SSH2: variants seen among roughly 807,000 people sequenced by gnomAD.
SSH2 encodes the protein slingshot protein phosphatase 2.
Under a neutral mutation model 135.2 loss-of-function variants are expected in SSH2, and 37 were observed. The observed-to-expected ratio is 0.27, with a 90% CI of 0.21 to 0.36. SSH2 has a LOEUF of 0.36. SSH2 is among the 10% of genes least tolerant of loss of function. The probability of loss-of-function intolerance (pLI) is 1.00; values close to 1 mark genes in which losing one functional copy is unlikely to be tolerated. For synonymous variants in SSH2, 628 were observed against 646.2 expected, an observed-to-expected ratio of 0.97 and a Z score of 0.43; for missense variants, 1,408 against 1,765.3, an observed-to-expected ratio of 0.80 and a Z score of 3.63.
intron 15 of SSH2, 22 bp downstream of exon 15, chr17:29,635,946 A>G: frequency 6.4e-7 from 1 of 1,552,222 alleles, no homozygotes; most frequent in East Asian, 2.3e-5. Flanking sequence ...ATTAGGCGGA[A>G]AACTATAAAG....
chr17:29,712,563 G>C (rs960578757), intron 3 of SSH2, among the ~76,000 whole-genome samples: 1 of 152,190 alleles, frequency 6.6e-6, no homozygotes, highest in African/African-American at 2.4e-5. Context: ...CAGTACTTTG[G>C]AAGGCCAAGG....
intron 1 of SSH2, among the ~76,000 whole-genome samples, chr17:29,925,893 C>T (rs2067055065): frequency 6.6e-6 from 1 of 152,062 alleles, no homozygotes; most frequent in African/African-American, 2.4e-5. Flanking sequence ...AAAGTTAATA[C>T]ATTTTTTAAA....
intron 1 of SSH2, chr17:29,925,657 T>C: frequency 2.5e-6 from 1 of 392,310 alleles, no homozygotes; most frequent in Non-Finnish European, 4.5e-6. Context: ...TGCAGTGAGC[T>C]ATGACTGTGC....
intron 1 of SSH2, among the ~76,000 whole-genome samples, chr17:29,903,055 G>A (rs964131280): frequency 2.0e-5 from 3 of 151,646 alleles, no homozygotes; most frequent in East Asian, 1.9e-4. Context: ...GCATGGTGCC[G>A]GGCGCCTGTA....
chr17:29,900,761 C>T (rs1001428705), intron 1 of SSH2, among the ~76,000 whole-genome samples: 1 of 152,086 alleles, frequency 6.6e-6, no homozygotes, highest in African/African-American at 2.4e-5. Flanking sequence ...CCATTTGACC[C>T]AGCCATCCCA....
intron 3 of SSH2, among the ~76,000 whole-genome samples, chr17:29,757,513 T>C (rs2041164187): frequency 6.6e-6 from 1 of 152,030 alleles, no homozygotes; most frequent in Non-Finnish European, 1.5e-5. Flanking sequence ...TGCAGCACTA[T>C]AAATGCTAAA....
chr17:29,767,544 T>A (rs937950758), intron 3 of SSH2, among the ~76,000 whole-genome samples: 1 of 152,022 alleles, frequency 6.6e-6, no homozygotes, highest in Non-Finnish European at 1.5e-5. Flanking sequence ...AGATGATTGT[T>A]ATTAATATTT....
chr17:29,696,076 T>C (rs911411070), intron 4 of SSH2, among the ~76,000 whole-genome samples: 1 of 151,742 alleles, frequency 6.6e-6, no homozygotes, highest in African/African-American at 2.4e-5. Context: ...TAGTGACTGA[T>C]ATTATTATTA....
intron 1 of SSH2, among the ~76,000 whole-genome samples, chr17:29,896,781 C>A (rs2066453512): frequency 6.6e-6 from 1 of 151,650 alleles, no homozygotes; most frequent in Non-Finnish European, 1.5e-5. Flanking sequence ...ACAAGCAATT[C>A]ATCCACTATG....
intron 3 of SSH2, among the ~76,000 whole-genome samples, chr17:29,762,591 T>G (rs1468472826): frequency 6.6e-6 from 1 of 152,210 alleles, no homozygotes; most frequent in Non-Finnish European, 1.5e-5. Context: ...GATCTAGGGC[T>G]TTTACCTTCA....
intron 2 of SSH2, among the ~76,000 whole-genome samples, chr17:29,797,518 A>G (rs960021755): frequency 6.6e-6 from 1 of 152,216 alleles, no homozygotes; most frequent in Non-Finnish European, 1.5e-5. Context: ...ATCGCTGAGG[A>G]TTCCATCACA....
chr17:29,637,329 C>CCT (rs1230263218), intron 14 of SSH2, among the ~76,000 whole-genome samples: 2 of 152,114 alleles, frequency 1.3e-5, no homozygotes, highest in Non-Finnish European at 2.9e-5. Context: ...GAACTTCTGA[C>CCT]CTCGAGTGAT....
At position 29,793,963 on chromosome 17, in the gene SSH2, A is replaced by AG. The variant is rs2042116041; in HGVS notation, c.145-27_145-26insC. 1.9e-6 allele frequency: 3 copies of AG among 1,590,546 alleles called. No homozygotes were observed. The East Asian group carries it at 6.7e-5, about 36-fold the overall frequency. ...CTGTATAGACAGAAAATGAAAAAAA[A>AG]AATTAAAACCTGAGGTTTCATATCA... On this transcript the variant is annotated intron_variant, in intron 2 of 15. Transcript: ENST00000540801.
intron 11 of SSH2, among the ~76,000 whole-genome samples, chr17:29,656,549 A>G (rs1237299246): frequency 3.3e-5 from 5 of 152,202 alleles, no homozygotes; most frequent in Non-Finnish European, 7.3e-5. Context: ...GCAGGAGAAG[A>G]CACTGAAATA....
rs1297246204 is a variant in SSH2 at position 29,748,340 on chromosome 17, A to G, written c.189-45278T>C. ...AACTGTTCTTTCACATTTGAAGGCC[A>G]TAACACCCAGAAGATTCACTAGATG... is the stretch of plus-strand genomic sequence containing the variant. On this transcript the variant is annotated intron_variant, in intron 3 of 15. Transcript: ENST00000540801. 5.3e-5 allele frequency among the ~76,000 whole-genome samples: 8 copies of G among 152,158 alleles called. 1 individual carries two copies. Among genetic ancestry groups the G allele is most frequent in the Non-Finnish European group, 4.4e-5 (3 of 67,934 alleles).
chr17:29,685,671 C>A (rs2038181882), intron 5 of SSH2, among the ~76,000 whole-genome samples: 1 of 149,958 alleles, frequency 6.7e-6, no homozygotes, highest in East Asian at 2.1e-4. Flanking sequence ...CGCCTGTAAT[C>A]CCAGCTACTT....
intron 14 of SSH2, among the ~76,000 whole-genome samples, chr17:29,638,282 GA>G (rs913290523): frequency 1.1e-3 from 95 of 88,636 alleles, no homozygotes; most frequent in Non-Finnish European, 1.7e-3. Flanking sequence ...TCTGTGGTAA[GA>G]AAAAAAAAAA....
At chr17:29,816,715 C>T (rs1169049309) in intron 2 of SSH2, among the ~76,000 whole-genome samples, 1 of 150,322 alleles carries the variant, frequency 6.7e-6, no homozygotes, top group Non-Finnish European at 1.5e-5. Context: ...AAAAAAAACT[C>T]AAAGCCTCCA....
At chr17:29,771,964 TACC>T (rs1289801080) in intron 3 of SSH2, among the ~76,000 whole-genome samples, 2 of 152,320 alleles carry the variant, frequency 1.3e-5, no homozygotes, top group Non-Finnish European at 2.9e-5. Flanking sequence ...TTCAAGAATT[TACC>T]ACAACATTGG....
Sources: gnomAD v4.1 joint callset for allele counts (sites outside exome capture counted in the v4.1 genomes callset) on GRCh38, gnomAD v4.1.1 for gene constraint, MANE v1.5 for transcripts, NCBI Gene and HGNC (gene_info 2026-07-23, HGNC 2026-07-21) for gene names.